The following AGBL1 variants were observed in gnomAD, a reference collection of about 807,000 sequenced individuals.
AGBL1 encodes the protein AGBL carboxypeptidase 1, also known as cytosolic carboxypeptidase 4.
In AGBL1, 130 loss-of-function variants were observed where a neutral mutation model predicts 118.9. That is an observed-to-expected ratio of 1.09 (90% CI 0.95 to 1.26). The LOEUF (loss-of-function observed/expected upper bound fraction) is 1.26. Among genes scored for constraint, AGBL1 ranks in the 50% most tolerant of loss-of-function variants. The pLI is 0.00. For missense variants in AGBL1, 1,584 were observed against 1,298.1 expected, an observed-to-expected ratio of 1.22 and a Z score of -3.38; for synonymous variants, 555 against 478.9, an observed-to-expected ratio of 1.16 and a Z score of -2.08.
rs62012290 is a variant in AGBL1, at chr15:86,376,860, G to A, written c.2375-20506G>A. Among the ~76,000 whole-genome samples, 1,144 of 152,334 alleles carry A rather than the reference G, an allele frequency of 7.5e-3. 6 individuals are homozygous for A. Among genetic ancestry groups the A allele is most frequent in the Non-Finnish European group, 0.013 (872 of 68,026 alleles). On this transcript the variant is annotated intron_variant, in intron 17 of 22. Coordinates refer to ENST00000614907, the MANE Select transcript of AGBL1 (RefSeq NM_001386094.1). Reference sequence around the variant, plus strand: ...CTCCTCTATGTAGCCAAAGGCAAAGGCCAGACTTATCTTTGGGTAAAGTTG... The same window carrying A: ...CTCCTCTATGTAGCCAAAGGCAAAGACCAGACTTATCTTTGGGTAAAGTTG...
rs145447203 is a variant in AGBL1, at chr15:86,494,465, C to T, written c.2556-28345C>T. ...TCATTATTCTTTCCCCTCACTGGCTCTTCCCATGCTGGTTTTGTATGATCT... is the reference window on the plus strand; with the variant it reads ...TCATTATTCTTTCCCCTCACTGGCTTTTCCCATGCTGGTTTTGTATGATCT... On this transcript the variant is annotated intron_variant, in intron 18 of 22. Coordinates refer to ENST00000614907, the MANE Select transcript of AGBL1 (RefSeq NM_001386094.1). Among the ~76,000 whole-genome samples, 12 of 152,094 alleles carry T rather than the reference C, an allele frequency of 7.9e-5. No homozygotes were observed. In the East Asian group the frequency reaches 2.1e-3, roughly 27 times the overall value.
chr15:86,770,712 C>T (rs2078165122), intron 22 of AGBL1, among the ~76,000 whole-genome samples: 1 of 151,882 alleles, frequency 6.6e-6, no homozygotes, highest in Admixed American at 6.6e-5. Context: ...GAGCAAGCTC[C>T]CTCACGGGCT....
At chr15:86,732,835 T>TC (rs2077543573) in intron 22 of AGBL1, among the ~76,000 whole-genome samples, 1 of 151,564 alleles carries the variant, frequency 6.6e-6, no homozygotes, top group Non-Finnish European at 1.5e-5. Flanking sequence ...AGAAGATATA[T>TC]TAGGGTTCTC....
At chr15:86,465,622 G>T (rs1442054292) in intron 18 of AGBL1, among the ~76,000 whole-genome samples, 1 of 152,178 alleles carries the variant, frequency 6.6e-6, no homozygotes, top group Non-Finnish European at 1.5e-5. Flanking sequence ...GGCCGCTCTG[G>T]ATGTGTCTGT....
intron 22 of AGBL1, among the ~76,000 whole-genome samples, chr15:86,897,454 C>A (rs865815714): frequency 6.6e-6 from 1 of 151,910 alleles, no homozygotes; most frequent in African/African-American, 2.4e-5. Context: ...TACATTGATC[C>A]TTTATTGTTT....
chr15:86,793,715 C>A (rs1032934233), intron 22 of AGBL1, among the ~76,000 whole-genome samples: 1 of 152,108 alleles, frequency 6.6e-6, no homozygotes, highest in East Asian at 1.9e-4. Flanking sequence ...GCAAATCATA[C>A]GTCTGATAAC....
At chr15:86,282,245 A>G (rs1335127031) in intron 16 of AGBL1, among the ~76,000 whole-genome samples, 1 of 151,784 alleles carries the variant, frequency 6.6e-6, no homozygotes, top group Admixed American at 6.6e-5. Flanking sequence ...AAAAAAGAGG[A>G]CCCCCCTCTC....
intron 22 of AGBL1, among the ~76,000 whole-genome samples, chr15:86,903,546 T>G (rs1273560038): frequency 6.6e-6 from 1 of 152,218 alleles, no homozygotes; most frequent in Non-Finnish European, 1.5e-5. Flanking sequence ...ATTCTTGGTA[T>G]GATGAGTGAT....
chr15:86,764,405 G>T (rs1184949084), intron 22 of AGBL1, among the ~76,000 whole-genome samples: 2 of 151,972 alleles, frequency 1.3e-5, no homozygotes, highest in South Asian at 4.1e-4. Context: ...GAATATGATA[G>T]GGGTATTGGC....
chr15:87,017,875 C>A (rs1051380799), intron 24 of AGBL1, among the ~76,000 whole-genome samples: 2 of 151,922 alleles, frequency 1.3e-5, no homozygotes, highest in African/African-American at 4.8e-5. Context: ...ATGTTGTAAC[C>A]CAATGCAGAG....
chr15:86,744,268 C>T (rs1015434311), intron 22 of AGBL1, among the ~76,000 whole-genome samples: 1 of 152,042 alleles, frequency 6.6e-6, no homozygotes, highest in Admixed American at 6.6e-5. Flanking sequence ...CTGACGAGCC[C>T]GCTTTGCATA....
intron 21 of AGBL1, among the ~76,000 whole-genome samples, chr15:86,661,434 T>C (rs547435162): frequency 6.6e-6 from 1 of 151,868 alleles, no homozygotes; most frequent in Non-Finnish European, 1.5e-5. Context: ...TCAATGGCCA[T>C]TAAATGAATG....
At chr15:86,458,060 TGTCCCC>T (rs11279030) in intron 18 of AGBL1, among the ~76,000 whole-genome samples, 27,468 of 151,832 alleles carry the variant, frequency 0.18, 3,108 homozygotes, top group African/African-American at 0.31. Flanking sequence ...CCAAATACAC[TGTCCCC>T]GTATATTGCC....
chr15:86,534,375 T>C (rs1017644443), intron 19 of AGBL1, among the ~76,000 whole-genome samples: 1 of 152,210 alleles, frequency 6.6e-6, no homozygotes, highest in East Asian at 1.9e-4. Context: ...TTTATTCTAG[T>C]AAGGCTGAGA....
rs1418251212 is a variant in AGBL1 at position 86,763,079 on chromosome 15, A to G, written c.3158+88643A>G. Among the ~76,000 whole-genome samples, 4 of 152,146 alleles carry G rather than the reference A, an allele frequency of 2.6e-5. No homozygotes were observed. In the South Asian group the frequency reaches 8.3e-4, roughly 32 times the overall value. ...GATGTGAGCAGTTGCTGATCACGTG[A>G]TGTTTGGAGTTGCATTACTGTAAGT... On this transcript the variant is annotated intron_variant, in intron 22 of 22. Coordinates refer to ENST00000614907, the MANE Select transcript of AGBL1 (RefSeq NM_001386094.1).
At chr15:86,440,445 T>C (rs78414007) in intron 18 of AGBL1, among the ~76,000 whole-genome samples, 25 of 151,298 alleles carry the variant, frequency 1.7e-4, no homozygotes, top group African/African-American at 5.1e-4. Flanking sequence ...AAGGGCTAAA[T>C]TGACATGTGT....
chr15:86,830,697 A>G (rs1163024375), intron 22 of AGBL1, among the ~76,000 whole-genome samples: 2 of 152,188 alleles, frequency 1.3e-5, no homozygotes, highest in African/African-American at 2.4e-5. Flanking sequence ...CATTAATAGC[A>G]GACAGGCCAA....
In AGBL1 at chr15:86,838,202, T is replaced by G. The variant is rs1196531226; in HGVS notation, c.3159-68885T>G. Among the ~76,000 whole-genome samples, 10 of 152,256 alleles carry G rather than the reference T, an allele frequency of 6.6e-5. No homozygotes were observed. The East Asian group carries it at 1.2e-3, about 18-fold the overall frequency. ...ACCTAAAAAAAAAAAAATCTTATGT[T>G]TATATTTTTCCTTTGAAAGATTTTA... On this transcript the variant is annotated intron_variant, in intron 22 of 22. Coordinates refer to ENST00000614907, the MANE Select transcript of AGBL1 (RefSeq NM_001386094.1).
intron 4 of AGBL1, among the ~76,000 whole-genome samples, chr15:86,156,455 C>A (rs1379924860): frequency 6.6e-6 from 1 of 152,154 alleles, no homozygotes; most frequent in Non-Finnish European, 1.5e-5. Flanking sequence ...TTTAAGTTCC[C>A]TCTCTAAAGG....
Sources: gnomAD v4.1 joint callset for allele counts (sites outside exome capture counted in the v4.1 genomes callset) on GRCh38, gnomAD v4.1.1 for gene constraint, MANE v1.5 for transcripts, NCBI Gene and HGNC (gene_info 2026-07-23, HGNC 2026-07-21) for gene names.